The following CLCA2 variants were observed in gnomAD, a reference collection of about 807,000 sequenced individuals.
CLCA2 encodes the protein calcium-activated chloride channel regulator 2.
Under a neutral mutation model 82.9 loss-of-function variants are expected in CLCA2, and 85 were observed. The observed-to-expected ratio is 1.03, with a 90% CI of 0.86 to 1.23. The LOEUF (loss-of-function observed/expected upper bound fraction) is 1.23. Among genes scored for constraint, CLCA2 ranks in the 50% most tolerant of loss-of-function variants. The pLI, the probability that CLCA2 is intolerant of heterozygous loss-of-function variation, is 0.00. For synonymous variants in CLCA2, 421 were observed against 391.7 expected, an observed-to-expected ratio of 1.07 and a Z score of -0.88; for missense variants, 1,089 against 1,124.8, an observed-to-expected ratio of 0.97 and a Z score of 0.45.
intron 7 of CLCA2, among the ~76,000 whole-genome samples, chr1:86,439,625 G>A (rs927878532): frequency 2.0e-5 from 3 of 152,128 alleles, no homozygotes; most frequent in African/African-American, 7.2e-5. Flanking sequence ...TTATCTGATA[G>A]CAAACAAGAC....
At chr1:86,447,875 A>T in intron 11 of CLCA2, 97 bp downstream of exon 11, 1 of 1,297,590 alleles carries the variant, frequency 7.7e-7, no homozygotes, top group Non-Finnish European at 1.0e-6. Context: ...AGATTCCTTG[A>T]GTTCAATTTT....
rs1438281248 is a variant in CLCA2, at chr1:86,455,871, A to T, written c.*344A>T. 1.3e-5 allele frequency: 2 copies of T among 158,584 alleles called. No homozygotes were observed. The highest frequency in any genetic ancestry group is 4.8e-5 in the African/African-American group (2 of 41,800). The allele number at this position is 158,584 out of a possible 1,614,324, so 9.8% of individuals were successfully genotyped here. On this transcript the variant is annotated 3_prime_UTR_variant, in exon 14 of 14. Coordinates refer to ENST00000370565, the MANE Select transcript of CLCA2 (RefSeq NM_006536.7). ...AAAAGGAGGGTAGGTCTGCATTATA[A>T]CTGTCTGTGTGAAGCAATCATTTAG...
Position 86,454,800 on chromosome 1 carries a change from C to CAAAACA in CLCA2, c.2390-266_2390-261dup, listed in dbSNP as rs1000386797. Among the ~76,000 whole-genome samples, 8 of 148,888 alleles carry CAAAACA rather than the reference C, an allele frequency of 5.4e-5. No homozygotes were observed. The East Asian group carries it at 5.9e-4, about 11-fold the overall frequency. On this transcript the variant is annotated intron_variant, in intron 13 of 13. Coordinates refer to ENST00000370565, the MANE Select transcript of CLCA2 (RefSeq NM_006536.7). ...GAGCAAGACTCCATCTCAAACAAAACAAAACAAAAACAAAAACAAAAACAT... is the reference window on the plus strand; with the variant it reads ...GAGCAAGACTCCATCTCAAACAAAACAAAACAAAAACAAAAACAAAAACAAAAACAT...
chr1:86,428,185 A>G (rs956024542), intron 2 of CLCA2, among the ~76,000 whole-genome samples: 4 of 152,236 alleles, frequency 2.6e-5, no homozygotes, highest in African/African-American at 4.8e-5. Flanking sequence ...CTTTCATAAC[A>G]TAGACCTTTT....
intron 8 of CLCA2, among the ~76,000 whole-genome samples, chr1:86,441,160 T>C (rs1662726576): frequency 6.6e-6 from 1 of 152,204 alleles, no homozygotes; most frequent in African/African-American, 2.4e-5. Context: ...TACCTTAATC[T>C]GAAGACTATT....
At chr1:86,438,611 A>T (rs1330213920) in intron 6 of CLCA2, among the ~76,000 whole-genome samples, 1 of 152,130 alleles carries the variant, frequency 6.6e-6, no homozygotes, top group African/African-American at 2.4e-5. Context: ...AATAGTGGGG[A>T]TGATGAGAAA....
intron 6 of CLCA2, among the ~76,000 whole-genome samples, chr1:86,436,203 A>C (rs1662606537): frequency 6.6e-6 from 1 of 152,186 alleles, no homozygotes; most frequent in Non-Finnish European, 1.5e-5. Flanking sequence ...GGTCTATTGC[A>C]TCTGTATGGA....
At chr1:86,454,517 C>A (rs56272027) in intron 13 of CLCA2, among the ~76,000 whole-genome samples, 29,147 of 152,054 alleles carry the variant, frequency 0.19, 3,075 homozygotes, top group African/African-American at 0.26. Flanking sequence ...ACAGACCAGG[C>A]GCAGTGGCTC....
intron 2 of CLCA2, among the ~76,000 whole-genome samples, chr1:86,426,835 T>A (rs562759373): frequency 6.6e-6 from 1 of 152,188 alleles, no homozygotes; most frequent in South Asian, 2.1e-4. Context: ...GGGCCTTCAA[T>A]AGAACTAAGA....
chr1:86,431,014 C>T, intron 4 of CLCA2, 44 bp downstream of exon 4: 1 of 1,375,436 alleles, frequency 7.3e-7, no homozygotes, highest in Non-Finnish European at 1.0e-6. Flanking sequence ...TTATTTGACT[C>T]TAAAATTGCT....
chr1:86,445,699 A>G (rs540094302), intron 10 of CLCA2, among the ~76,000 whole-genome samples: 4 of 146,244 alleles, frequency 2.7e-5, no homozygotes, highest in South Asian at 4.3e-4. Flanking sequence ...CGTCTTTGTT[A>G]TAATATTAAT....
At chr1:86,435,407 G>A (rs1419254829) in intron 6 of CLCA2, among the ~76,000 whole-genome samples, 5 of 152,212 alleles carry the variant, frequency 3.3e-5, no homozygotes, top group Non-Finnish European at 5.9e-5. Flanking sequence ...ATCCCTGGTT[G>A]AGGAAGTAAA....
intron 9 of CLCA2, among the ~76,000 whole-genome samples, chr1:86,442,813 G>T (rs1243951760): frequency 6.6e-6 from 1 of 152,166 alleles, no homozygotes; most frequent in Non-Finnish European, 1.5e-5. Context: ...TTTTATCACG[G>T]TTCCATTCCC....
chr1:86,436,871 G>A (rs747509778), intron 6 of CLCA2, among the ~76,000 whole-genome samples: 6 of 152,066 alleles, frequency 3.9e-5, no homozygotes, highest in Admixed American at 6.6e-5. Flanking sequence ...GTGCCACCAC[G>A]CCCAGCTAAT....
chr1:86,448,461 C>A (rs958843699), intron 11 of CLCA2: 2 of 152,226 alleles, frequency 1.3e-5, no homozygotes, highest in Admixed American at 6.5e-5. Flanking sequence ...GGTATAGCAT[C>A]CAGCCAGGTA....
In CLCA2 at chr1:86,455,669, G is replaced by A; in HGVS notation, c.*142G>A. The stretch of plus-strand genomic sequence containing the variant: ...TACAATACAGATAAGATTTTTACAT[G>A]GTAGATCAACAAATTCTTTTTGGGG... On this transcript the variant is annotated 3_prime_UTR_variant, in exon 14 of 14. Coordinates refer to ENST00000370565, the MANE Select transcript of CLCA2 (RefSeq NM_006536.7). The A allele has an allele frequency of 2.2e-6, 1 of 460,402 alleles. No homozygotes were observed. The allele number at this position is 460,402 out of a possible 1,614,324, so 28.5% of individuals were successfully genotyped here. A position where few individuals can be genotyped will look rare whatever the true frequency, so the allele number is the denominator to read the frequency against.
At chr1:86,450,382 A>G (rs1376644714) in intron 11 of CLCA2, among the ~76,000 whole-genome samples, 181 bp from the exon 12 acceptor site, 1 of 152,216 alleles carries the variant, frequency 6.6e-6, no homozygotes, top group African/African-American at 2.4e-5. Flanking sequence ...GTAAGAAATT[A>G]CAGGGAGAAA....
intron 12 of CLCA2, 59 bp downstream of exon 12, chr1:86,450,792 G>C: frequency 7.0e-7 from 1 of 1,424,894 alleles, no homozygotes; most frequent in South Asian, 1.6e-5. Flanking sequence ...ATCTCTGATG[G>C]GTATGTGTGT....
At chr1:86,428,886 A>G (rs1662441514) in intron 3 of CLCA2, among the ~76,000 whole-genome samples, 1 of 152,202 alleles carries the variant, frequency 6.6e-6, no homozygotes, top group Non-Finnish European at 1.5e-5. Flanking sequence ...AAATGGAAAG[A>G]AGGGAGAAAA....
Sources: allele counts gnomAD v4.1 joint callset (sites outside exome capture counted in the v4.1 genomes callset), GRCh38; gene constraint gnomAD v4.1.1; transcripts MANE v1.5; gene names NCBI Gene and HGNC (gene_info 2026-07-23, HGNC 2026-07-21).